The following PRKN variants were observed in gnomAD, a reference collection of about 807,000 sequenced individuals.
PRKN encodes the protein E3 ubiquitin-protein ligase parkin.
In PRKN, 56 loss-of-function variants were observed where a neutral mutation model predicts 59.5. The observed-to-expected ratio is 0.94, with a 90% CI of 0.76 to 1.18. The LOEUF is 1.18. Ranked by LOEUF, PRKN falls within the 50% of genes most tolerant of loss-of-function variation. PRKN has a pLI of 0.00. For missense variants in PRKN, 657 were observed against 596.4 expected, an observed-to-expected ratio of 1.10 and a Z score of -1.06; for synonymous variants, 250 against 222.1, an observed-to-expected ratio of 1.13 and a Z score of -1.12.
rs1277886997 is a variant in PRKN at position 162,103,017 on chromosome 6, T to G, written c.535-48843A>C. Among the ~76,000 whole-genome samples, 14 of 136,830 alleles carry G rather than the reference T, an allele frequency of 1.0e-4. No individual in the cohort carries two copies. In the East Asian group the frequency reaches 2.9e-3, roughly 29 times the overall value. 89.8% of individuals were successfully genotyped at this position (136,830 alleles called of 152,430 possible). ...GAGATCGCGCCACTGCACTCCAGCC[T>G]GGGCGAAAGAGCGAGACTCTGTCTC... On this transcript the variant is annotated intron_variant, in intron 4 of 11. Coordinates refer to ENST00000366898, the MANE Select transcript of PRKN (RefSeq NM_004562.3).
chr6:162,457,225 T>C (rs1306320001), intron 1 of PRKN, among the ~76,000 whole-genome samples: 1 of 152,134 alleles, frequency 6.6e-6, no homozygotes, highest in African/African-American at 2.4e-5. Context: ...TATATTACAT[T>C]GGGATAAAGT....
chr6:161,652,491 C>T (rs7763400), intron 7 of PRKN, among the ~76,000 whole-genome samples: 76,095 of 152,036 alleles, frequency 0.5, 21,965 homozygotes, highest in African/African-American at 0.81. Context: ...CTTGCATTCA[C>T]ACATAGGGGT....
At chr6:161,723,907 G>C (rs918695529) in intron 7 of PRKN, among the ~76,000 whole-genome samples, 2 of 152,162 alleles carry the variant, frequency 1.3e-5, no homozygotes, top group African/African-American at 4.8e-5. Flanking sequence ...GAACAGTAGG[G>C]GGCTCGGTCT....
At chr6:162,062,324 G>C (rs1778135028) in intron 4 of PRKN, among the ~76,000 whole-genome samples, 1 of 152,144 alleles carries the variant, frequency 6.6e-6, no homozygotes. Flanking sequence ...CATGGAATAT[G>C]TGGCATGATT....
chr6:161,810,031 C>T (rs1053904550), intron 6 of PRKN, among the ~76,000 whole-genome samples: 9 of 152,134 alleles, frequency 5.9e-5, no homozygotes, highest in African/African-American at 1.9e-4. Flanking sequence ...TTGAGCTGTG[C>T]CCCCTTAAAA....
At chr6:161,866,726 C>T (rs900404117) in intron 6 of PRKN, among the ~76,000 whole-genome samples, 10 of 152,094 alleles carry the variant, frequency 6.6e-5, no homozygotes, top group East Asian at 1.9e-4. Flanking sequence ...CTGCCAAGTG[C>T]GATACGATAG....
intron 2 of PRKN, among the ~76,000 whole-genome samples, chr6:162,273,481 C>T (rs527258189): frequency 3.2e-4 from 49 of 151,852 alleles, no homozygotes; most frequent in Non-Finnish European, 1.5e-4. Flanking sequence ...TCCTTTAGTA[C>T]AAAAAAAGGA....
At chr6:162,523,757 G>T (rs940287693) in intron 1 of PRKN, among the ~76,000 whole-genome samples, 1 of 151,818 alleles carries the variant, frequency 6.6e-6, no homozygotes, top group Non-Finnish European at 1.5e-5. Context: ...TGGCTCATGC[G>T]TATAATCCCA....
intron 1 of PRKN, among the ~76,000 whole-genome samples, chr6:162,680,713 C>G (rs1779739763): frequency 6.6e-6 from 1 of 152,026 alleles, no homozygotes; most frequent in Admixed American, 6.6e-5. Flanking sequence ...TAGGTAATAA[C>G]TCTATTGAAA....
intron 2 of PRKN, among the ~76,000 whole-genome samples, chr6:162,305,286 T>C (rs1405518972): frequency 6.6e-6 from 1 of 152,210 alleles, no homozygotes; most frequent in South Asian, 2.1e-4. Flanking sequence ...AAACTTAGCT[T>C]GGTTTTACCA....
intron 4 of PRKN, among the ~76,000 whole-genome samples, chr6:162,179,966 TACTGTGTG>T (rs760094974): frequency 1.9e-5 from 2 of 108,060 alleles, no homozygotes; most frequent in Non-Finnish European, 3.6e-5. Flanking sequence ...GTTATCTTAT[TACTGTGTG>T]TGTGTGTGTG....
At chr6:162,611,376 C>T (rs770420942) in intron 1 of PRKN, among the ~76,000 whole-genome samples, 1 of 152,166 alleles carries the variant, frequency 6.6e-6, no homozygotes, top group Non-Finnish European at 1.5e-5. Flanking sequence ...ATAGAAGTAA[C>T]TGTGCTAGAG....
intron 7 of PRKN, among the ~76,000 whole-genome samples, chr6:161,637,486 C>A (rs1366678773): frequency 6.6e-6 from 1 of 151,830 alleles, no homozygotes; most frequent in Non-Finnish European, 1.5e-5. Flanking sequence ...ATGTCTCTGG[C>A]CCTCTAACTT....
intron 9 of PRKN, among the ~76,000 whole-genome samples, chr6:161,476,067 G>A (rs973778239): frequency 1.3e-5 from 2 of 151,646 alleles, no homozygotes; most frequent in Non-Finnish European, 2.9e-5. Flanking sequence ...GGCGCCTGTA[G>A]TCCCAGCTAC....
chr6:161,872,161 G>A (rs191287894), intron 6 of PRKN, among the ~76,000 whole-genome samples: 2 of 152,104 alleles, frequency 1.3e-5, no homozygotes, highest in African/African-American at 2.4e-5. Flanking sequence ...GGAAGGGTAA[G>A]TGCATGAGGA....
chr6:161,973,315 A>G lies in PRKN; in HGVS notation c.721T>C (p.Cys241Arg). 6.2e-7 allele frequency: 1 copy of G among 1,610,382 alleles called. No homozygotes were observed. Among genetic ancestry groups the G allele is most frequent in the Non-Finnish European group, 8.5e-7 (1 of 1,176,536 alleles). Residue 241 changes from cysteine to arginine, a missense_variant, in exon 6 of 12, where the codon TGC (cysteine) becomes CGC (arginine). Transcript: ENST00000366898. ...TNSRNITCITCTDVRSPVLVF... is the reference protein window; with the variant it reads ...TNSRNITCITRTDVRSPVLVF... The stretch of plus-strand genomic sequence containing the variant: ...TTAGATCCTTACCTGACGTCTGTGC[A>G]CGTAATGCAAGTGATGTTCCGACTA...
Position 161,483,032 on chromosome 6 carries a change from G to A in PRKN, c.1083+65822C>T, listed in dbSNP as rs1043122729. 2.6e-5 allele frequency among the ~76,000 whole-genome samples: 4 copies of A among 151,846 alleles called. No individual in the cohort carries two copies. Among genetic ancestry groups the A allele is most frequent in the Admixed American group, 2.0e-4 (3 of 15,244 alleles). ...AGTACAGAATTCTTCCTTCTCCCTC[G>A]GCTTCTTTTTAAGTTTGAGAGTGAA... On this transcript the variant is annotated intron_variant, in intron 9 of 11. Transcript: ENST00000366898. This position sits in a 1 kb window ranked among gnomAD's most constrained non-coding sequence, Gnocchi z 5.0.
intron 6 of PRKN, among the ~76,000 whole-genome samples, chr6:161,844,957 G>A (rs1002575861): frequency 6.6e-6 from 1 of 152,194 alleles, no homozygotes; most frequent in Admixed American, 6.5e-5. Flanking sequence ...CCTTGATAGA[G>A]CGTTTACTAA....
chr6:162,099,427 C>T (rs1779876098), intron 4 of PRKN, among the ~76,000 whole-genome samples: 1 of 152,214 alleles, frequency 6.6e-6, no homozygotes. Flanking sequence ...GTACCCCTCC[C>T]TGGAGAAACA....
Sources: gnomAD v4.1 joint callset for allele counts (sites outside exome capture counted in the v4.1 genomes callset) on GRCh38, gnomAD v4.1.1 for gene constraint, Gnocchi (gnomAD v3.1) non-coding constraint, MANE v1.5 for transcripts, NCBI Gene and HGNC (gene_info 2026-07-23, HGNC 2026-07-21) for gene names.